Variants in IQCJ observed in about 807,000 individuals in gnomAD.
IQCJ encodes the protein IQ domain-containing protein J.
Under a neutral mutation model 11.0 loss-of-function variants are expected in IQCJ, and 9 were observed. That is an observed-to-expected ratio of 0.82 (90% CI 0.49 to 1.43). The LOEUF is 1.43. Among genes scored for constraint, IQCJ ranks in the 40% most tolerant of loss-of-function variants. The pLI, the probability that IQCJ is intolerant of heterozygous loss-of-function variation, is 0.00. For missense variants in IQCJ, 146 were observed against 133.2 expected, an observed-to-expected ratio of 1.10 and a Z score of -0.47; for synonymous variants, 55 against 51.3, an observed-to-expected ratio of 1.07 and a Z score of -0.31.
chr3:159,222,635 T>C (rs866113030), intron 1 of IQCJ, among the ~76,000 whole-genome samples: 4 of 152,148 alleles, frequency 2.6e-5, no homozygotes, highest in Admixed American at 1.3e-4. Flanking sequence ...GCAGGAGGAC[T>C]ATAGCTAATA....
chr3:159,180,654 T>C (rs1723044519), intron 1 of IQCJ, among the ~76,000 whole-genome samples: 2 of 151,996 alleles, frequency 1.3e-5, no homozygotes, highest in Non-Finnish European at 2.9e-5. Context: ...ATATAGATTC[T>C]AAATGAAGGA....
chr3:159,181,385 C>T (rs1424863194), intron 1 of IQCJ, among the ~76,000 whole-genome samples: 1 of 144,910 alleles, frequency 6.9e-6, no homozygotes, highest in Admixed American at 6.8e-5. Context: ...GAAGTCTAGC[C>T]ATTCACTTGG....
intron 1 of IQCJ, among the ~76,000 whole-genome samples, chr3:159,189,176 T>C (rs997455955): frequency 1.3e-5 from 2 of 152,146 alleles, no homozygotes; most frequent in Admixed American, 1.3e-4. Flanking sequence ...GGAAAACTAC[T>C]AGCCAAATAA....
At chr3:159,189,533 G>A (rs181501481) in intron 1 of IQCJ, among the ~76,000 whole-genome samples, 233 of 152,290 alleles carry the variant, frequency 1.5e-3, no homozygotes, top group African/African-American at 5.5e-3. Context: ...ATGGTGACAG[G>A]TGATTCCTGA....
chr3:159,220,898 A>G (rs892758128), intron 1 of IQCJ, among the ~76,000 whole-genome samples: 1 of 152,122 alleles, frequency 6.6e-6, no homozygotes, highest in South Asian at 2.1e-4. Context: ...TAAAGCTTCC[A>G]TTACAGACCC....
chr3:159,239,975 A>G (rs1726822052), intron 1 of IQCJ, among the ~76,000 whole-genome samples: 1 of 152,180 alleles, frequency 6.6e-6, no homozygotes, highest in Non-Finnish European at 1.5e-5. Flanking sequence ...TCCTAATGAC[A>G]AATTTCTCAG....
At chr3:159,197,776 A>G (rs1287563767) in intron 1 of IQCJ, among the ~76,000 whole-genome samples, 1 of 151,982 alleles carries the variant, frequency 6.6e-6, no homozygotes, top group African/African-American at 2.4e-5. Context: ...GCTACTCTCA[A>G]GTAAGCACAT....
intron 3 of IQCJ, among the ~76,000 whole-genome samples, chr3:159,258,024 T>C (rs1269172386): frequency 6.6e-6 from 1 of 152,158 alleles, no homozygotes; most frequent in African/African-American, 2.4e-5. Context: ...AAAGATCATA[T>C]TGAATCACAT....
chr3:159,116,668 A>ATATG (rs1719040035), intron 1 of IQCJ, among the ~76,000 whole-genome samples: 1 of 16,970 alleles, frequency 5.9e-5, no homozygotes, highest in Non-Finnish European at 1.2e-4. Flanking sequence ...ATATATATAT[A>ATATG]TACACCCTTC....
intron 1 of IQCJ, among the ~76,000 whole-genome samples, chr3:159,139,737 A>G (rs1358481664): frequency 6.6e-6 from 1 of 152,158 alleles, no homozygotes; most frequent in Non-Finnish European, 1.5e-5. Context: ...ATTCACCTCC[A>G]TTTGAAGCAC....
intron 1 of IQCJ, among the ~76,000 whole-genome samples, chr3:159,073,709 C>T (rs1387200990): frequency 1.3e-5 from 2 of 152,080 alleles, no homozygotes; most frequent in African/African-American, 4.8e-5. Context: ...ATGTTAAATA[C>T]CACTCTGATT....
At chr3:159,186,422 T>C (rs1723373813) in intron 1 of IQCJ, among the ~76,000 whole-genome samples, 1 of 152,238 alleles carries the variant, frequency 6.6e-6, no homozygotes, top group Admixed American at 6.5e-5. Context: ...TGGTTACATT[T>C]AGTTCTGTGA....
At chr3:159,078,269 G>A (rs1415813791) in intron 1 of IQCJ, among the ~76,000 whole-genome samples, 2 of 151,166 alleles carry the variant, frequency 1.3e-5, no homozygotes, top group South Asian at 2.1e-4. Context: ...CCCCTCACTC[G>A]GTCTTTTGCA....
At chr3:159,130,829 A>G (rs1313245736) in intron 1 of IQCJ, among the ~76,000 whole-genome samples, 2 of 152,100 alleles carry the variant, frequency 1.3e-5, no homozygotes, top group African/African-American at 4.8e-5. Flanking sequence ...ATTTAGTCCG[A>G]TTTACTTTTC....
At chr3:159,257,524 G>C (rs1201493063) in intron 3 of IQCJ, among the ~76,000 whole-genome samples, 12 of 152,162 alleles carry the variant, frequency 7.9e-5, no homozygotes, top group Non-Finnish European at 1.8e-4. Flanking sequence ...TCATCCATCA[G>C]TGTGGCAGTG....
chr3:159,188,624 C>A (rs554851895), intron 1 of IQCJ, among the ~76,000 whole-genome samples: 1 of 152,188 alleles, frequency 6.6e-6, no homozygotes, highest in East Asian at 1.9e-4. Context: ...TTATTAAGTA[C>A]GGCCTGTACT....
chr3:159,132,209 G>T (rs1049885269), intron 1 of IQCJ, among the ~76,000 whole-genome samples: 1 of 152,088 alleles, frequency 6.6e-6, no homozygotes, highest in Non-Finnish European at 1.5e-5. Flanking sequence ...TAAGATTTAG[G>T]CTCAGAATTG....
chr3:159,159,396 A>C (rs574488529), intron 1 of IQCJ, among the ~76,000 whole-genome samples: 51 of 152,290 alleles, frequency 3.3e-4, no homozygotes, highest in Non-Finnish European at 5.0e-4. Flanking sequence ...GGAATTAGCT[A>C]GCTCTGGGAG....
intron 3 of IQCJ, among the ~76,000 whole-genome samples, chr3:159,258,853 C>T (rs1728047085): frequency 6.6e-6 from 1 of 152,148 alleles, no homozygotes; most frequent in Admixed American, 6.6e-5. Context: ...CAGCCTGACC[C>T]CAGGTGGCTT....
Sources: allele counts gnomAD v4.1 joint callset (sites outside exome capture counted in the v4.1 genomes callset), GRCh38; gene constraint gnomAD v4.1.1; transcripts MANE v1.5; gene names NCBI Gene and HGNC (gene_info 2026-07-23, HGNC 2026-07-21).